SUGCT: variants seen among roughly 807,000 people sequenced by gnomAD.
SUGCT encodes succinyl-CoA:glutarate-CoA transferase.
A neutral mutation model predicts 55.0 loss-of-function variants in SUGCT; 41 were observed. That is an observed-to-expected ratio of 0.74 (90% CI 0.58 to 0.97). The LOEUF is 0.97. Among genes scored for constraint, SUGCT ranks in the 50% least tolerant of loss-of-function variants. The probability of loss-of-function intolerance (pLI) is 0.00; values close to 1 mark genes in which losing one functional copy is unlikely to be tolerated. For missense variants in SUGCT, 568 were observed against 547.8 expected (o/e 1.04, Z -0.37); for synonymous variants, 187 against 200.4 (o/e 0.93, Z 0.56).
intron 13 of SUGCT, among the ~76,000 whole-genome samples, chr7:40,774,980 A>C (rs998547842): frequency 6.6e-6 from 1 of 152,246 alleles, no homozygotes; most frequent in Admixed American, 6.5e-5. Context: ...AATTCTTGTT[A>C]TTGGAAAATA....
At chr7:41,031,846 T>G in the SUGCT span, among the ~76,000 whole-genome samples, 1 of 152,118 alleles carries the variant, frequency 6.6e-6, no homozygotes, top group Admixed American at 6.5e-5. Context: ...TTACTTCCCT[T>G]GTTGTGGCAC....
chr7:40,795,773 CTG>C (rs985025183), intron 13 of SUGCT, among the ~76,000 whole-genome samples: 1 of 152,106 alleles, frequency 6.6e-6, no homozygotes, highest in African/African-American at 2.4e-5. Context: ...TAGTTTCTGA[CTG>C]TTAGTGTATT....
At chr7:40,687,044 A>AT (rs915380853) in intron 12 of SUGCT, among the ~76,000 whole-genome samples, 20 of 151,668 alleles carry the variant, frequency 1.3e-4, no homozygotes, top group Non-Finnish European at 2.5e-4. Context: ...CCACAATTTC[A>AT]TTTTTTTCCC....
At chr7:40,190,261 C>G (rs1244491468) in intron 5 of SUGCT, among the ~76,000 whole-genome samples, 1 of 152,036 alleles carries the variant, frequency 6.6e-6, no homozygotes, top group Non-Finnish European at 1.5e-5. Flanking sequence ...TACTTTCTTT[C>G]TTTTTTTAGA....
intron 13 of SUGCT, among the ~76,000 whole-genome samples, chr7:40,854,467 T>TCTTTCTTTCTTC (rs1563050867): frequency 3.4e-5 from 5 of 148,234 alleles, no homozygotes; most frequent in African/African-American, 1.3e-4. Flanking sequence ...TTTCTTTCTT[T>TCTTTCTTTCTTC]CTTTCTTTCT....
At chr7:40,795,636 T>C (rs1158466184) in intron 13 of SUGCT, among the ~76,000 whole-genome samples, 1 of 152,168 alleles carries the variant, frequency 6.6e-6, no homozygotes, top group Non-Finnish European at 1.5e-5. Flanking sequence ...CCTGTCTGAT[T>C]GTTAAGAGGG....
intron 9 of SUGCT, among the ~76,000 whole-genome samples, chr7:40,343,761 A>G (rs779303789): frequency 2.6e-5 from 4 of 151,938 alleles, no homozygotes; most frequent in Non-Finnish European, 5.9e-5. Context: ...GGTTCACGCC[A>G]TTCTCCTGCC....
chr7:40,728,805 T>C (rs1562967366), intron 12 of SUGCT, among the ~76,000 whole-genome samples: 1 of 152,206 alleles, frequency 6.6e-6, no homozygotes, highest in Non-Finnish European at 1.5e-5. Flanking sequence ...AGTGGCTACA[T>C]AAGGGAGACA....
chr7:40,258,906 T>C (rs1389842556), intron 7 of SUGCT, among the ~76,000 whole-genome samples: 1 of 152,180 alleles, frequency 6.6e-6, no homozygotes, highest in Non-Finnish European at 1.5e-5. Flanking sequence ...CAGCATCAAC[T>C]TCAGTGTCCA....
rs79685630 is a variant in SUGCT, at chr7:40,697,081, C to G, written c.1090-52353C>G. The stretch of plus-strand genomic sequence containing the variant: ...GATAGCAATTGCACACACACACACT[C>G]ACACGTAACACACACACACAGCAAA... On this transcript the variant is annotated intron_variant, in intron 12 of 13. Transcript: ENST00000335693. 2.4e-4 allele frequency among the ~76,000 whole-genome samples: 37 copies of G among 152,268 alleles called. No homozygotes were observed. The East Asian group carries it at 6.8e-3, about 28-fold the overall frequency.
chr7:40,704,061 G>C (rs142192585), intron 12 of SUGCT, among the ~76,000 whole-genome samples: 2,365 of 152,302 alleles, frequency 0.016, 24 homozygotes, highest in Middle Eastern at 0.054. Flanking sequence ...CTGACAACAA[G>C]GTGTCCAAAA....
rs200542575 is a variant in SUGCT at position 40,263,903 on chromosome 7, AT to A, written c.577-10600del. ...CTTTCTTCTGGGGTCTCAATTCGTCATTTTTTTTTTCTTCTGGTTTGTGGTT... is the reference window on the plus strand; with the variant it reads ...CTTTCTTCTGGGGTCTCAATTCGTCATTTTTTTTTCTTCTGGTTTGTGGTT... On this transcript the variant is annotated intron_variant, in intron 7 of 13. Transcript: ENST00000335693. Among the ~76,000 whole-genome samples, 162 of 144,984 alleles carry A rather than the reference AT, an allele frequency of 1.1e-3. No individual in the cohort carries two copies. The East Asian group carries it at 0.016, about 14-fold the overall frequency.
chr7:41,000,368 C>T, the SUGCT span, among the ~76,000 whole-genome samples: 1 of 152,038 alleles, frequency 6.6e-6, no homozygotes, highest in African/African-American at 2.4e-5. Context: ...ATAATTTATC[C>T]ATATCCCAAA....
chr7:40,495,373 A>G (rs1171338552), intron 11 of SUGCT, among the ~76,000 whole-genome samples: 6 of 152,066 alleles, frequency 3.9e-5, no homozygotes, highest in African/African-American at 1.4e-4. Context: ...GCCCTTTCAT[A>G]TTAGTAAAAC....
chr7:40,909,409 C>G, the SUGCT span, among the ~76,000 whole-genome samples: 4 of 152,134 alleles, frequency 2.6e-5, no homozygotes, highest in African/African-American at 4.8e-5. Context: ...CCCCGGGGTT[C>G]GCTAGGCTCC....
the SUGCT span, among the ~76,000 whole-genome samples, chr7:40,900,172 C>T: frequency 6.6e-6 from 1 of 152,244 alleles, no homozygotes; most frequent in South Asian, 2.1e-4. Flanking sequence ...AAGCAGCCTC[C>T]AGCTTCTCTG....
intron 12 of SUGCT, among the ~76,000 whole-genome samples, chr7:40,503,763 T>G (rs1273027346): frequency 1.3e-5 from 2 of 152,160 alleles, no homozygotes; most frequent in Non-Finnish European, 2.9e-5. Context: ...TAAGCATCAA[T>G]GCAATAGCAG....
intron 12 of SUGCT, among the ~76,000 whole-genome samples, chr7:40,537,435 G>A (rs1794424891): frequency 6.6e-6 from 1 of 152,062 alleles, no homozygotes; most frequent in South Asian, 2.1e-4. Flanking sequence ...TAACAAAATA[G>A]CCACTAATTA....
At chr7:40,330,108 G>T (rs1005779226) in intron 9 of SUGCT, among the ~76,000 whole-genome samples, 15 of 152,208 alleles carry the variant, frequency 9.9e-5, no homozygotes, top group Admixed American at 6.5e-4. Context: ...TAAACATACA[G>T]ATTTGATCTC....
Sources: allele counts gnomAD v4.1 joint callset (sites outside exome capture counted in the v4.1 genomes callset), GRCh38; gene constraint gnomAD v4.1.1; transcripts MANE v1.5; gene names NCBI Gene and HGNC (gene_info 2026-07-23, HGNC 2026-07-21).